MAMLD1: variants seen among roughly 807,000 people sequenced by gnomAD.
The protein encoded by MAMLD1 is mastermind like domain containing 1.
In MAMLD1, 14 loss-of-function variants were observed where a neutral mutation model predicts 45.0. The observed-to-expected ratio is 0.31, with a 90% confidence interval of 0.21 to 0.49. The LOEUF (loss-of-function observed/expected upper bound fraction) is 0.49, where lower values mean the gene tolerates loss of function less well. MAMLD1 is among the 20% of genes least tolerant of loss of function. The pLI, the probability that MAMLD1 is intolerant of heterozygous loss-of-function variation, is 0.99. For missense variants in MAMLD1, 543 were observed against 603.6 expected (o/e 0.90, Z 1.05); for synonymous variants, 254 against 247.8 (o/e 1.02, Z -0.24).
chrX:150,404,988 G>A (rs2124527391), intron 1 of MAMLD1, among the ~76,000 whole-genome samples: 1 of 112,414 alleles, frequency 8.9e-6, no homozygotes, highest in African/African-American at 3.2e-5. Context: ...TATCAACGTA[G>A]CTATACAGGT....
intron 1 of MAMLD1, among the ~76,000 whole-genome samples, chrX:150,389,266 C>G (rs188657700): frequency 3.1e-4 from 35 of 111,338 alleles, no homozygotes; most frequent in African/African-American, 1.1e-3. Context: ...AGGCTGGTCT[C>G]GAACTCCTGA....
At chrX:150,507,978 C>T (rs140003403) in intron 6 of MAMLD1, among the ~76,000 whole-genome samples, 1,143 of 112,341 alleles carry the variant, frequency 0.01, 13 homozygotes, top group African/African-American at 0.035. Flanking sequence ...TAGCCAGCCA[C>T]GCAGGAATCT....
At chrX:150,475,880 G>A (rs1194234704) in intron 5 of MAMLD1, among the ~76,000 whole-genome samples, 1 of 112,265 alleles carries the variant, frequency 8.9e-6, no homozygotes, top group African/African-American at 3.2e-5. Context: ...AACCTCCGGG[G>A]CCTGATGAAT....
intron 1 of MAMLD1, among the ~76,000 whole-genome samples, chrX:150,382,349 A>G (rs1265550839): frequency 9.0e-6 from 1 of 111,656 alleles, no homozygotes; most frequent in Non-Finnish European, 1.9e-5. Context: ...CTATGTGTCT[A>G]TCCCTCTGCC....
intron 5 of MAMLD1, among the ~76,000 whole-genome samples, chrX:150,475,807 C>A (rs1031090681): frequency 8.9e-6 from 1 of 112,018 alleles, no homozygotes; most frequent in East Asian, 2.8e-4. Flanking sequence ...CTGCTTAGAA[C>A]GGTGCCCAGC....
chrX:150,390,054 C>T (rs1158056940), intron 1 of MAMLD1, among the ~76,000 whole-genome samples: 11 of 111,356 alleles, frequency 9.9e-5, no homozygotes, highest in Non-Finnish European at 7.5e-5. Flanking sequence ...GCCATGTTTT[C>T]GTTTGTTTGT....
intron 2 of MAMLD1, among the ~76,000 whole-genome samples, chrX:150,460,177 T>G (rs782205105): frequency 8.9e-6 from 1 of 112,365 alleles, no homozygotes; most frequent in East Asian, 2.8e-4. Context: ...AGGTTGCCAC[T>G]GATCTGATGG....
At chrX:150,477,663 A>G in intron 5 of MAMLD1, among the ~76,000 whole-genome samples, 1 of 111,494 alleles carries the variant, frequency 9.0e-6, no homozygotes, top group Non-Finnish European at 1.9e-5. Flanking sequence ...CTTCCCTCTA[A>G]GCACGGCCAG....
chrX:150,508,776 G>C (rs781861286), intron 6 of MAMLD1, among the ~76,000 whole-genome samples: 6 of 112,255 alleles, frequency 5.3e-5, no homozygotes, highest in East Asian at 5.7e-4. Flanking sequence ...TGGCATCTTC[G>C]GGGGGACACA....
chrX:150,457,595 A>G (rs1317251879), intron 2 of MAMLD1, among the ~76,000 whole-genome samples: 1 of 112,626 alleles, frequency 8.9e-6, no homozygotes, highest in Non-Finnish European at 1.9e-5. Context: ...AGATGAATGG[A>G]CTGACCAAGT....
At chrX:150,469,204 A>G (rs1424489355) in intron 3 of MAMLD1, among the ~76,000 whole-genome samples, 1 of 112,394 alleles carries the variant, frequency 8.9e-6, no homozygotes, top group Non-Finnish European at 1.9e-5. Context: ...CTAAAAGTTC[A>G]ATTCTATACT....
In MAMLD1 at chrX:150,471,391, G is replaced by A. The variant is rs1275256722; in HGVS notation, c.1818G>A (p.Gln606=). The A allele has an allele frequency of 8.3e-7, 1 of 1,210,639 alleles. No individual in the cohort carries two copies. The highest frequency in any genetic ancestry group is 1.1e-6 in the Non-Finnish European group (1 of 895,411). Residue 606 remains glutamine, a synonymous_variant, in exon 4 of 8, where the codon CAG becomes CAA. Coordinates refer to ENST00000370401, the MANE Select transcript of MAMLD1 (RefSeq NM_005491.5). ...AGCAGCAGCAGCAACAGCAGCAGCA[G>A]CCTGACCATTCTTCATTCCTTCTGC... The part of the protein sequence containing the change: ...LQQQQQQQQQ[Q]PDHSSFLLQQ...
chrX:150,383,051 C>T lies in MAMLD1; in HGVS notation c.-64+19521C>T, dbSNP rs1236271594. 1.7e-4 allele frequency among the ~76,000 whole-genome samples: 10 copies of T among 59,235 alleles called. 2 individuals are homozygous for T. Among genetic ancestry groups the T allele is most frequent in the Non-Finnish European group, 2.7e-4 (9 of 33,672 alleles). The allele number at this position is 59,235 out of a possible 115,157, so 51.4% of individuals were successfully genotyped here. On this transcript the variant is annotated intron_variant, in intron 1 of 7. Transcript: ENST00000370401. ...TCCCGAGTAGCTGGGACTACAGGCG[C>T]CCGCCACCACGCCCGGCTAATTTCT...
chrX:150,400,771 C>T (rs1173103158), intron 1 of MAMLD1, among the ~76,000 whole-genome samples: 2 of 109,799 alleles, frequency 1.8e-5, no homozygotes, highest in Non-Finnish European at 3.8e-5. Flanking sequence ...TATTGATTTG[C>T]ATATATTGAA....
intron 1 of MAMLD1, among the ~76,000 whole-genome samples, chrX:150,398,314 GAA>G (rs2033562945): frequency 5.0e-5 from 5 of 99,094 alleles, no homozygotes; most frequent in Admixed American, 1.1e-4. Context: ...AGAAGAAGAA[GAA>G]GAAGAAGAAG....
chrX:150,454,887 CCAT>C (rs1380906826), intron 2 of MAMLD1, among the ~76,000 whole-genome samples: 1 of 111,101 alleles, frequency 9.0e-6, no homozygotes, highest in Non-Finnish European at 1.9e-5. Flanking sequence ...ACCACCACCA[CCAT>C]CATCACTACC....
upstream of MAMLD1, among the ~76,000 whole-genome samples, chrX:150,361,916 G>C (rs1376916794): frequency 3.5e-5 from 4 of 112,929 alleles, no homozygotes; most frequent in African/African-American, 9.6e-5. Context: ...ATCCAGCCCA[G>C]CTTGGGCGGG....
At chrX:150,389,074 T>G (rs1557402114) in intron 1 of MAMLD1, among the ~76,000 whole-genome samples, 2 of 110,802 alleles carry the variant, frequency 1.8e-5, no homozygotes, top group African/African-American at 3.3e-5. Flanking sequence ...TGAGACAGAA[T>G]CTCACTCTGT....
At chrX:150,421,252 C>G (rs2034501225) in intron 1 of MAMLD1, 1 of 113,983 alleles carries the variant, frequency 8.8e-6, no homozygotes, top group African/African-American at 3.2e-5. Context: ...CTCCCTGACC[C>G]CTTGCGCTTC....
Sources: gnomAD v4.1 joint callset for allele counts (sites outside exome capture counted in the v4.1 genomes callset) on GRCh38, gnomAD v4.1.1 for gene constraint, MANE v1.5 for transcripts, NCBI Gene and HGNC (gene_info 2026-07-23, HGNC 2026-07-21) for gene names.